Variants in GPC6 observed in about 807,000 individuals in gnomAD.
GPC6 encodes the protein glypican 6, also known as glypican-6.
In GPC6, 14 loss-of-function variants were observed where a neutral mutation model predicts 55.2. The observed-to-expected ratio is 0.25, with a 90% confidence interval of 0.17 to 0.40. The LOEUF (loss-of-function observed/expected upper bound fraction) is 0.40. Ranked by LOEUF, GPC6 falls within the 10% of genes least tolerant of loss-of-function variation. The pLI is 1.00. For synonymous variants in GPC6, 278 were observed against 259.6 expected, an observed-to-expected ratio of 1.07 and a Z score of -0.68; for missense variants, 641 against 708.5, an observed-to-expected ratio of 0.90 and a Z score of 1.08.
intron 2 of GPC6, among the ~76,000 whole-genome samples, chr13:93,768,706 T>A (rs950768670): frequency 1.3e-5 from 2 of 152,162 alleles, no homozygotes; most frequent in African/African-American, 4.8e-5. Flanking sequence ...CGTACAGGAA[T>A]TCATACAGGA....
At chr13:94,177,643 A>G (rs1296969486) in intron 4 of GPC6, among the ~76,000 whole-genome samples, 1 of 152,210 alleles carries the variant, frequency 6.6e-6, no homozygotes, top group Non-Finnish European at 1.5e-5. Flanking sequence ...AATATGCACA[A>G]GCAATTTCAT....
intron 2 of GPC6, among the ~76,000 whole-genome samples, chr13:93,551,303 T>C (rs1250893538): frequency 2.0e-5 from 1 of 49,268 alleles, no homozygotes; most frequent in Non-Finnish European, 4.7e-5. Context: ...TTTACTGTTT[T>C]CTAACAAAAA....
chr13:93,708,720 T>G (rs1882941733), intron 2 of GPC6, among the ~76,000 whole-genome samples: 1 of 151,726 alleles, frequency 6.6e-6, no homozygotes, highest in African/African-American at 2.4e-5. Flanking sequence ...ATATTTAACA[T>G]GAGTTCAAAG....
At chr13:93,772,508 A>C (rs1336025901) in intron 2 of GPC6, among the ~76,000 whole-genome samples, 1 of 152,070 alleles carries the variant, frequency 6.6e-6, no homozygotes, top group Non-Finnish European at 1.5e-5. Context: ...TGTGATGAGC[A>C]GAGAGGCATC....
At chr13:93,627,147 C>T (rs1323473693) in intron 2 of GPC6, among the ~76,000 whole-genome samples, 1 of 152,044 alleles carries the variant, frequency 6.6e-6, no homozygotes, top group East Asian at 1.9e-4. Flanking sequence ...AATGCTAACC[C>T]TCCCCTAGCC....
At chr13:94,351,962 C>CAAAAAAA (rs60206836) in intron 6 of GPC6, among the ~76,000 whole-genome samples, 65 of 101,424 alleles carry the variant, frequency 6.4e-4, no homozygotes, top group East Asian at 2.5e-3. Context: ...GAGAAGAAGG[C>CAAAAAAA]AAAAAAAAAA....
chr13:94,116,272 C>T (rs1343075724), intron 4 of GPC6, among the ~76,000 whole-genome samples: 1 of 151,958 alleles, frequency 6.6e-6, no homozygotes, highest in East Asian at 1.9e-4. Context: ...GAATGAAATG[C>T]CTACTACATT....
In GPC6 at chr13:93,461,574, C is replaced by A. The variant is rs1386424399; in HGVS notation, c.161-83689C>A. 2.3e-5 allele frequency among the ~76,000 whole-genome samples: 3 copies of A among 130,356 alleles called. No individual in the cohort carries two copies. In the East Asian group the frequency reaches 7.5e-4, roughly 32 times the overall value. 85.5% of individuals were successfully genotyped at this position (130,356 alleles called of 152,430 possible). A position where few individuals can be genotyped will look rare whatever the true frequency, so the allele number is the denominator to read the frequency against. ...CATTGTCTACCATTGTCTTCTGAAACAATATAGGGAACTTTCTAAATCATA... is the reference window on the plus strand; with the variant it reads ...CATTGTCTACCATTGTCTTCTGAAAAAATATAGGGAACTTTCTAAATCATA... On this transcript the variant is annotated intron_variant, in intron 1 of 8. Coordinates refer to ENST00000377047, the MANE Select transcript of GPC6 (RefSeq NM_005708.5).
chr13:93,315,279 T>C (rs947688153), intron 1 of GPC6, among the ~76,000 whole-genome samples: 2 of 152,112 alleles, frequency 1.3e-5, no homozygotes. Context: ...ATTGTATTTC[T>C]TTTTCTTTGC....
intron 1 of GPC6, among the ~76,000 whole-genome samples, chr13:93,405,389 A>G (rs1234202174): frequency 6.6e-6 from 1 of 152,222 alleles, no homozygotes. Context: ...TTACAGAACC[A>G]GAATTAATGT....
the GPC6 span, among the ~76,000 whole-genome samples, chr13:93,220,185 G>A: frequency 6.6e-6 from 1 of 152,182 alleles, no homozygotes; most frequent in South Asian, 2.1e-4. Flanking sequence ...AAGAGTAAAT[G>A]TTCCATTGAC....
intron 2 of GPC6, among the ~76,000 whole-genome samples, chr13:93,643,384 T>C (rs999511923): frequency 6.6e-6 from 1 of 151,946 alleles, no homozygotes; most frequent in Non-Finnish European, 1.5e-5. Flanking sequence ...TGACATAAGA[T>C]AGATTAACAG....
intron 4 of GPC6, among the ~76,000 whole-genome samples, chr13:94,237,820 G>A (rs1202193834): frequency 6.6e-6 from 1 of 152,158 alleles, no homozygotes; most frequent in African/African-American, 2.4e-5. Context: ...TTCAGGCAGT[G>A]GTGTGAACAT....
Position 94,407,885 on chromosome 13 carries a change from TA to T in GPC6, c.*4669del, listed in dbSNP as rs1490520127. 6.6e-6 allele frequency among the ~76,000 whole-genome samples: 1 copy of T among 152,214 alleles called. No individual in the cohort carries two copies. The highest frequency in any genetic ancestry group is 2.4e-5 in the African/African-American group (1 of 41,464). On this transcript the variant is annotated 3_prime_UTR_variant, in exon 9 of 9. Coordinates refer to ENST00000377047, the MANE Select transcript of GPC6 (RefSeq NM_005708.5). ...CTCTTATTCTCTATAAACCCTGCTC[TA>T]GGGGATTTATCACTGGCTGTGAAAA...
intron 1 of GPC6, among the ~76,000 whole-genome samples, chr13:93,510,999 A>ATATATATATATGTG (rs1257045748): frequency 4.4e-5 from 1 of 22,788 alleles, no homozygotes; most frequent in African/African-American, 9.1e-5. Context: ...ATATATATAT[A>ATATATATATATGTG]TATATATTCA....
intron 2 of GPC6, among the ~76,000 whole-genome samples, chr13:93,762,175 C>T (rs1281618420): frequency 6.6e-6 from 1 of 152,132 alleles, no homozygotes; most frequent in African/African-American, 2.4e-5. Context: ...AAGGTTCATC[C>T]ATGTTGTCAC....
chr13:93,735,335 C>A (rs576706342), intron 2 of GPC6, among the ~76,000 whole-genome samples: 4 of 152,102 alleles, frequency 2.6e-5, no homozygotes, highest in Non-Finnish European at 5.9e-5. Flanking sequence ...GAGTTCGAGA[C>A]CAGCCTGGCC....
At chr13:93,943,578 A>G (rs1878841887) in intron 3 of GPC6, among the ~76,000 whole-genome samples, 1 of 152,160 alleles carries the variant, frequency 6.6e-6, no homozygotes, top group Admixed American at 6.5e-5. Flanking sequence ...CTCATGCCTG[A>G]ATAAACCTTA....
chr13:94,392,468 GC>G (rs1880694087), intron 7 of GPC6, among the ~76,000 whole-genome samples: 2 of 130,822 alleles, frequency 1.5e-5, no homozygotes, highest in South Asian at 4.8e-4. Flanking sequence ...AGCTCTTGTG[GC>G]CCAGGCTGGA....
Sources: allele counts gnomAD v4.1 joint callset (sites outside exome capture counted in the v4.1 genomes callset), GRCh38; gene constraint gnomAD v4.1.1; transcripts MANE v1.5; gene names NCBI Gene and HGNC (gene_info 2026-07-23, HGNC 2026-07-21).